Variants in KIAA0825 observed in about 807,000 individuals in gnomAD.
KIAA0825 encodes the protein KIAA0825, also known as uncharacterized protein KIAA0825.
KIAA0825 carries 119 observed loss-of-function variants against 147.6 expected under a neutral mutation model. That is an observed-to-expected ratio of 0.81 (90% CI 0.69 to 0.94). The LOEUF (loss-of-function observed/expected upper bound fraction) is 0.94, where lower values mean the gene tolerates loss of function less well. KIAA0825 is among the 40% of genes least tolerant of loss of function. The pLI is 0.00. For synonymous variants in KIAA0825, 470 were observed against 518.1 expected, an observed-to-expected ratio of 0.91 and a Z score of 1.26; for missense variants, 1,381 against 1,472.7, an observed-to-expected ratio of 0.94 and a Z score of 1.02.
Position 94,396,447 on chromosome 5 carries a change from C to A in KIAA0825, c.2950G>T (p.Ala984Ser), listed in dbSNP as rs1415345999. ...TATTTAACTGGGGGAGGCAAACATG[C>A]AATCACCGTAGGTAACTTGCTGATT... ...IVISKLPTVI[A>S]CLPPPVKYFF... The change falls in exon 17 of 21, where the codon GCA becomes TCA. Residue 984 changes from alanine (A) to serine (S), a missense_variant. Physicochemically the swap from Ala to Ser is moderately conservative, Grantham distance 99. Transcript: ENST00000682413. 6.5e-7 allele frequency: 1 copy of A among 1,542,114 alleles called. No homozygotes were observed. The highest frequency in any genetic ancestry group is 8.8e-7 in the Non-Finnish European group (1 of 1,142,814).
chr5:94,207,930 G>A (rs1240342648), intron 20 of KIAA0825, among the ~76,000 whole-genome samples: 1 of 152,116 alleles, frequency 6.6e-6, no homozygotes, highest in Admixed American at 6.6e-5. Context: ...TTGAACAATT[G>A]CCGAACTGTT....
chr5:94,327,597 A>T (rs1221265579), intron 20 of KIAA0825, among the ~76,000 whole-genome samples: 3 of 152,170 alleles, frequency 2.0e-5, no homozygotes, highest in Non-Finnish European at 1.5e-5. Flanking sequence ...AATAAAATCA[A>T]ATTCAAATGT....
At chr5:94,378,342 G>A (rs1747878769) in intron 20 of KIAA0825, among the ~76,000 whole-genome samples, 1 of 152,128 alleles carries the variant, frequency 6.6e-6, no homozygotes, top group South Asian at 2.1e-4. Flanking sequence ...ACTTACATGT[G>A]AGAACAAGCA....
chr5:94,607,172 T>C (rs1787642620), intron 1 of KIAA0825, among the ~76,000 whole-genome samples: 1 of 152,154 alleles, frequency 6.6e-6, no homozygotes, highest in African/African-American at 2.4e-5. Flanking sequence ...TATGAAGTTA[T>C]ATACGAGATC....
At chr5:94,584,270 GC>G (rs1782818286) in intron 1 of KIAA0825, among the ~76,000 whole-genome samples, 4 of 152,112 alleles carry the variant, frequency 2.6e-5, no homozygotes, top group African/African-American at 9.7e-5. Flanking sequence ...CTAACCCATC[GC>G]AAGGAAGCTA....
intron 5 of KIAA0825, among the ~76,000 whole-genome samples, chr5:94,508,488 T>G (rs937405448): frequency 1.3e-5 from 2 of 152,006 alleles, no homozygotes; most frequent in Admixed American, 1.3e-4. Context: ...CTTGTTAATC[T>G]AAGGCAAACA....
At chr5:94,200,598 C>T (rs1217599301) in intron 20 of KIAA0825, among the ~76,000 whole-genome samples, 4 of 142,544 alleles carry the variant, frequency 2.8e-5, no homozygotes, top group African/African-American at 1.0e-4. Context: ...AGGGAGGGGG[C>T]GGGCTACTTA....
chr5:94,273,275 A>G (rs1177223205), intron 20 of KIAA0825, among the ~76,000 whole-genome samples: 1 of 152,206 alleles, frequency 6.6e-6, no homozygotes, highest in Admixed American at 6.6e-5. Flanking sequence ...AATGTTAGCT[A>G]TTATGTGTGT....
intron 20 of KIAA0825, among the ~76,000 whole-genome samples, chr5:94,331,439 C>T (rs1781261231): frequency 6.6e-6 from 1 of 152,042 alleles, no homozygotes; most frequent in Admixed American, 6.6e-5. Context: ...TAAAATCTTC[C>T]AGAAAGAAAA....
chr5:94,224,004 T>C lies in KIAA0825; in HGVS notation c.3711-69880A>G, dbSNP rs575452605. ...ATTTTCTGCTAATTAGAGTAATTCA[T>C]GGTTAATTATTCAAAATGATTTCTC... On this transcript the variant is annotated intron_variant, in intron 20 of 20. Transcript: ENST00000682413. 4.6e-5 allele frequency among the ~76,000 whole-genome samples: 7 copies of C among 151,950 alleles called. No individual in the cohort carries two copies. In the South Asian group the frequency reaches 6.2e-4, roughly 14 times the overall value.
Position 94,483,605 on chromosome 5 carries a change from G to C in KIAA0825, c.1132+1164C>G, listed in dbSNP as rs1004138300. Among the ~76,000 whole-genome samples, 7 of 150,994 alleles carry C rather than the reference G, an allele frequency of 4.6e-5. No individual in the cohort carries two copies. In the East Asian group the frequency reaches 1.4e-3, roughly 29 times the overall value. On this transcript the variant is annotated intron_variant, in intron 6 of 20. Coordinates refer to ENST00000682413, the MANE Select transcript of KIAA0825 (RefSeq NM_001145678.3). ...TTTTGGGGGGGTTTTTTTTGGGGTTGGCTTCAGAAATCTATAGTCCATCTT... is the reference window on the plus strand; with the variant it reads ...TTTTGGGGGGGTTTTTTTTGGGGTTCGCTTCAGAAATCTATAGTCCATCTT...
intron 2 of KIAA0825, among the ~76,000 whole-genome samples, chr5:94,574,543 C>CAAAAAAAAAAAAAAAAAA (rs1181241238): frequency 3.1e-5 from 2 of 65,530 alleles, no homozygotes; most frequent in Non-Finnish European, 5.3e-5. Context: ...GACTCCATCT[C>CAAAAAAAAAAAAAAAAAA]AAAAAAAAAA....
Position 94,537,599 on chromosome 5 carries a change from G to A in KIAA0825, c.-1-472C>T, listed in dbSNP as rs1293476802. On this transcript the variant is annotated intron_variant, in intron 2 of 20. Transcript: ENST00000682413. ...CCAGATGGAGCTTGCAGTGAGCCGC[G>A]ATTGCGCCACTGCACTGCAGCCTGG... Among the ~76,000 whole-genome samples the A allele has an allele frequency of 4.1e-5, 6 of 145,614 alleles. No homozygotes were observed. The East Asian group carries it at 6.0e-4, about 15-fold the overall frequency.
chr5:94,586,270 C>A (rs1277014356), intron 1 of KIAA0825, among the ~76,000 whole-genome samples: 1 of 151,828 alleles, frequency 6.6e-6, no homozygotes, highest in Non-Finnish European at 1.5e-5. Context: ...TCTAAAAGAT[C>A]AACAAAATAG....
At position 94,447,079 on chromosome 5, in the gene KIAA0825, TAGA is replaced by T. The variant is rs573155754; in HGVS notation, c.2357+5877_2357+5879del. 3.5e-3 allele frequency among the ~76,000 whole-genome samples: 534 copies of T among 152,220 alleles called. 1 individual carries two copies. The highest frequency in any genetic ancestry group is 5.1e-3 in the Non-Finnish European group (346 of 67,984). On this transcript the variant is annotated intron_variant, in intron 13 of 20. Coordinates refer to ENST00000682413, the MANE Select transcript of KIAA0825 (RefSeq NM_001145678.3). ...TACCATTAGCTGAGATAGGGAATAG[TAGA>T]AGAAGATATGTTCGGAGGGGAATAT...
At chr5:94,298,268 C>T (rs1376832566) in intron 20 of KIAA0825, among the ~76,000 whole-genome samples, 3 of 151,860 alleles carry the variant, frequency 2.0e-5, no homozygotes, top group Non-Finnish European at 4.4e-5. Context: ...GTAAGAATGG[C>T]GGGTGTTAAG....
At chr5:94,536,374 A>G (rs1772019462) in intron 3 of KIAA0825, among the ~76,000 whole-genome samples, 1 of 152,228 alleles carries the variant, frequency 6.6e-6, no homozygotes, top group Non-Finnish European at 1.5e-5. Flanking sequence ...ACATGAGGTA[A>G]ATTAGAACCT....
chr5:94,380,788 A>T (rs890217282), intron 20 of KIAA0825, among the ~76,000 whole-genome samples: 2 of 152,230 alleles, frequency 1.3e-5, no homozygotes, highest in Admixed American at 6.5e-5. Context: ...ACTTAAAGAA[A>T]GCATTCTATT....
In KIAA0825 at chr5:94,170,255, C is replaced by T. The variant is rs140108670; in HGVS notation, c.3711-16131G>A. ...CAGAGCTTGCAGTGAGCCAAGATCA[C>T]GCCACTGCACTGCAGCCTGGGCGAC... On this transcript the variant is annotated intron_variant, in intron 20 of 20. Transcript: ENST00000682413. 1.1e-3 allele frequency among the ~76,000 whole-genome samples: 165 copies of T among 152,116 alleles called. 2 individuals carry two copies. The East Asian group carries it at 0.029, about 27-fold the overall frequency.
Sources: allele counts gnomAD v4.1 joint callset (sites outside exome capture counted in the v4.1 genomes callset), GRCh38; gene constraint gnomAD v4.1.1; transcripts MANE v1.5; gene names NCBI Gene and HGNC (gene_info 2026-07-23, HGNC 2026-07-21).